Variants in AGBL1 observed in about 807,000 individuals in gnomAD.
The protein encoded by AGBL1 is AGBL carboxypeptidase 1, also known as cytosolic carboxypeptidase 4.
AGBL1 carries 130 observed loss-of-function variants against 118.9 expected under a neutral mutation model. That is an observed-to-expected ratio of 1.09 (90% CI 0.95 to 1.26). The LOEUF (loss-of-function observed/expected upper bound fraction) is 1.26. Ranked by LOEUF, AGBL1 falls within the 50% of genes most tolerant of loss-of-function variation. The pLI is 0.00. For synonymous variants in AGBL1, 555 were observed against 478.9 expected, an observed-to-expected ratio of 1.16 and a Z score of -2.08; for missense variants, 1,584 against 1,298.1, an observed-to-expected ratio of 1.22 and a Z score of -3.38.
chr15:86,732,461 T>C (rs2077538477), intron 22 of AGBL1, among the ~76,000 whole-genome samples: 1 of 152,220 alleles, frequency 6.6e-6, no homozygotes, highest in African/African-American at 2.4e-5. Flanking sequence ...TCTGTTTATT[T>C]TGTGAGCTCC....
intron 22 of AGBL1, among the ~76,000 whole-genome samples, chr15:86,903,507 C>T (rs2080240201): frequency 1.3e-5 from 2 of 152,138 alleles, no homozygotes; most frequent in Non-Finnish European, 2.9e-5. Flanking sequence ...GCTGTATCAT[C>T]TTGCTGTTGG....
At chr15:86,917,035 C>T (rs1596631930), downstream of AGBL1, among the ~76,000 whole-genome samples, 1 of 152,314 alleles carries the variant, frequency 6.6e-6, no homozygotes, top group Admixed American at 6.5e-5. This position sits in a 1 kb window ranked among gnomAD's most constrained non-coding sequence, Gnocchi z 4.8. Flanking sequence ...AGTCAGCAAA[C>T]TTCAGCTGGG....
At chr15:86,978,259 G>A (rs1045691073) in intron 23 of AGBL1, among the ~76,000 whole-genome samples, 2 of 152,188 alleles carry the variant, frequency 1.3e-5, no homozygotes, top group African/African-American at 4.8e-5. Context: ...CTAAGGTTCA[G>A]AGAATGAAAG....
intron 6 of AGBL1, among the ~76,000 whole-genome samples, chr15:86,245,150 A>G (rs1944086391): frequency 6.6e-6 from 1 of 152,096 alleles, no homozygotes; most frequent in Admixed American, 6.5e-5. Flanking sequence ...GACAATTTAG[A>G]ATTTGACAAA....
At chr15:86,101,983 A>G (rs1896753292) in intron 1 of AGBL1, among the ~76,000 whole-genome samples, 1 of 147,022 alleles carries the variant, frequency 6.8e-6, no homozygotes, top group East Asian at 2.0e-4. Context: ...ATTGTTAATC[A>G]TTGTGGTTTG....
At chr15:86,283,245 T>C (rs2141729276) in intron 16 of AGBL1, among the ~76,000 whole-genome samples, 1 of 152,240 alleles carries the variant, frequency 6.6e-6, no homozygotes, top group African/African-American at 2.4e-5. Flanking sequence ...GTAGTATTGG[T>C]TGAAAATGGG....
chr15:86,258,312 C>T (rs2078930293), intron 9 of AGBL1, among the ~76,000 whole-genome samples: 1 of 152,158 alleles, frequency 6.6e-6, no homozygotes, highest in Admixed American at 6.5e-5. Context: ...CCTTTAGGCA[C>T]ACATTTAACA....
rs376826765 is a variant in AGBL1 at position 86,546,064 on chromosome 15, C to A, written c.2748C>A (p.Ile916=). The change falls in exon 20 of 23, where the codon ATC becomes ATA. Residue 916 remains isoleucine (I), a synonymous_variant. Transcript: ENST00000614907. ...ATGTGTTCCTTTATGGCTGTAGCAT[C>A]AAGGAAACCTTGTGGCAAGCAGCAT... ...KKNVFLYGCS[I]KETLWQAACT... is the part of the protein sequence containing the mutation. 1.2e-4 allele frequency: 201 copies of A among 1,613,342 alleles called. 1 individual carries two copies. The Middle Eastern group carries it at 2.0e-3, about 16-fold the overall frequency.
At chr15:86,189,864 T>A (rs925686340) in intron 5 of AGBL1, among the ~76,000 whole-genome samples, 1 of 152,230 alleles carries the variant, frequency 6.6e-6, no homozygotes, top group Admixed American at 6.5e-5. Context: ...GTAGAGAGCA[T>A]GTATATCACC....
intron 22 of AGBL1, among the ~76,000 whole-genome samples, chr15:86,818,104 G>T (rs1278592451): frequency 6.6e-6 from 1 of 151,582 alleles, no homozygotes; most frequent in East Asian, 2.0e-4. Flanking sequence ...GCGTGTGCGT[G>T]TATGTGACAC....
At chr15:86,466,416 C>T (rs1183323772) in intron 18 of AGBL1, among the ~76,000 whole-genome samples, 2 of 152,194 alleles carry the variant, frequency 1.3e-5, no homozygotes, top group Non-Finnish European at 2.9e-5. Context: ...AGGTTCTTAG[C>T]TTCCTTGCAT....
intron 5 of AGBL1, among the ~76,000 whole-genome samples, chr15:86,164,966 C>G (rs148773370): frequency 6.4e-4 from 98 of 152,290 alleles, no homozygotes; most frequent in Admixed American, 1.2e-3. Flanking sequence ...AGGATAACAT[C>G]TTTAGTATCC....
chr15:86,223,172 A>G (rs2078305808), intron 5 of AGBL1, among the ~76,000 whole-genome samples: 1 of 151,972 alleles, frequency 6.6e-6, no homozygotes, highest in African/African-American at 2.4e-5. Flanking sequence ...CCTCCCCACC[A>G]CTAGTCTGTC....
chr15:86,410,872 T>C (rs376683216), intron 18 of AGBL1, among the ~76,000 whole-genome samples: 1 of 77,996 alleles, frequency 1.3e-5, no homozygotes, highest in Non-Finnish European at 2.5e-5. Flanking sequence ...AAATATATAA[T>C]ATATATTATA....
At chr15:86,597,417 T>G (rs976690957) in intron 21 of AGBL1, among the ~76,000 whole-genome samples, 1 of 152,178 alleles carries the variant, frequency 6.6e-6, no homozygotes, top group Non-Finnish European at 1.5e-5. Context: ...GGCCATGGTA[T>G]GGGTATTTAT....
At chr15:86,897,922 G>A (rs2080154079) in intron 22 of AGBL1, among the ~76,000 whole-genome samples, 1 of 151,484 alleles carries the variant, frequency 6.6e-6, no homozygotes, top group South Asian at 2.1e-4. Flanking sequence ...ACAGGCACGT[G>A]CCACCATGAC....
rs185403924 is a variant in AGBL1 at position 86,258,116 on chromosome 15, C to A, written c.969+85C>A. 2.3e-3 allele frequency: 3,270 copies of A among 1,432,204 alleles called. 40 individuals are homozygous for A. In the African/African-American group the frequency reaches 0.027, roughly 12 times the overall value. 88.7% of individuals were successfully genotyped at this position (1,432,204 alleles called of 1,614,324 possible). A position where few individuals can be genotyped will look rare whatever the true frequency, so the allele number is the denominator to read the frequency against. The stretch of plus-strand genomic sequence containing the variant: ...ATTACTTCCTGTGTTTGCCCAAGCC[C>A]AGTGTAAATTTTAAGAACTGACTTT... On this transcript the variant is annotated intron_variant, in intron 9 of 22. Transcript: ENST00000614907.
chr15:86,516,528 G>A (rs926941074), intron 18 of AGBL1, among the ~76,000 whole-genome samples: 3 of 152,186 alleles, frequency 2.0e-5, no homozygotes, highest in Admixed American at 1.3e-4. Flanking sequence ...GGCTGGGTGC[G>A]GTGGCTGACG....
At chr15:86,276,602 A>G (rs1393204367) in intron 15 of AGBL1, among the ~76,000 whole-genome samples, 2 of 152,228 alleles carry the variant, frequency 1.3e-5, no homozygotes, top group Admixed American at 6.5e-5. Context: ...GGTCCTTGCC[A>G]TAAAGTATTG....
Sources: gnomAD v4.1 joint callset for allele counts (sites outside exome capture counted in the v4.1 genomes callset) on GRCh38, gnomAD v4.1.1 for gene constraint, Gnocchi (gnomAD v3.1) non-coding constraint, MANE v1.5 for transcripts, NCBI Gene and HGNC (gene_info 2026-07-23, HGNC 2026-07-21) for gene names.